GATD1: variants seen among roughly 807,000 people sequenced by gnomAD.
GATD1 encodes the protein glutamine amidotransferase class 1 domain containing 1.
GATD1 carries 23 observed loss-of-function variants against 25.9 expected under a neutral mutation model. The observed-to-expected ratio is 0.89, with a 90% CI of 0.64 to 1.26. The LOEUF (loss-of-function observed/expected upper bound fraction) is 1.26. Among genes scored for constraint, GATD1 ranks in the 50% most tolerant of loss-of-function variants. The probability of loss-of-function intolerance (pLI) is 0.00; values close to 1 mark genes in which losing one functional copy is unlikely to be tolerated. For synonymous variants in GATD1, 177 were observed against 134.6 expected, an observed-to-expected ratio of 1.31 and a Z score of -2.18; for missense variants, 347 against 312.5, an observed-to-expected ratio of 1.11 and a Z score of -0.83.
chr11:773,839 G>A (rs1175738325), intron 3 of GATD1, among the ~76,000 whole-genome samples, 169 bp downstream of exon 3: 1 of 152,142 alleles, frequency 6.6e-6, no homozygotes, highest in African/African-American at 2.4e-5. Flanking sequence ...CTCCCCAGAG[G>A]GGCTCAGAAA....
At chr11:774,983 G>A (rs1192500872) in intron 2 of GATD1, 83 bp downstream of exon 2, 45 of 1,300,010 alleles carry the variant, frequency 3.5e-5, no homozygotes, top group Non-Finnish European at 4.6e-5. Context: ...CTCCCAGGCC[G>A]CGGCGGCAGT....
At chr11:775,824 G>T (rs1282263853) in intron 1 of GATD1, among the ~76,000 whole-genome samples, 1 of 152,004 alleles carries the variant, frequency 6.6e-6, no homozygotes, top group Non-Finnish European at 1.5e-5. Context: ...AGGCTCTGGG[G>T]GCCTCTGTCC....
Position 777,433 on chromosome 11 carries a change from G to A in GATD1, c.30C>T (p.Pro10=), listed in dbSNP as rs1303060413. The A allele has an allele frequency of 3.2e-6, 4 of 1,268,992 alleles. No homozygotes were observed. Among genetic ancestry groups the A allele is most frequent in the Middle Eastern group, 3.0e-4 (1 of 3,300 alleles). The allele number at this position is 1,268,992 out of a possible 1,614,324, so 78.6% of individuals were successfully genotyped here. A position where few individuals can be genotyped will look rare whatever the true frequency, so the allele number is the denominator to read the frequency against. Residue 10 remains proline (P), a synonymous_variant, in exon 1 of 8, where the codon CCC becomes CCT. Coordinates refer to ENST00000319863, the MANE Select transcript of GATD1 (RefSeq NM_182612.4). ...CGCCGCTGGCCACGAGCAGACAGGC[G>A]GGCCTGTTAGGGAGCCGCTCGGACG... MASERLPNR[P]ACLLVASGAA...
chr11:774,673 A>T (rs1446545738), intron 2 of GATD1, among the ~76,000 whole-genome samples: 1 of 152,210 alleles, frequency 6.6e-6, no homozygotes, highest in Non-Finnish European at 1.5e-5. Flanking sequence ...TCTACTAAAA[A>T]TACAAAATGA....
rs1032264131 is a variant in GATD1, at chr11:770,568, A to G, written c.*329T>C. The G allele has an allele frequency of 9.2e-6, 13 of 1,411,182 alleles. No homozygotes were observed. In the African/African-American group the frequency reaches 1.7e-4, roughly 19 times the overall value. 87.4% of individuals were successfully genotyped at this position (1,411,182 alleles called of 1,614,324 possible). A position where few individuals can be genotyped will look rare whatever the true frequency, so the allele number is the denominator to read the frequency against. On this transcript the variant is annotated 3_prime_UTR_variant, in exon 8 of 8. Coordinates refer to ENST00000319863, the MANE Select transcript of GATD1 (RefSeq NM_182612.4). ...AGCCGACTCTGTCTAGTCAACAGTG[A>G]CCACACGTGACAACCAGTCCTCCCT...
Position 774,123 on chromosome 11 carries a change from C to T in GATD1, c.142-10G>A, listed in dbSNP as rs1565015209. 6.2e-7 allele frequency: 1 copy of T among 1,610,038 alleles called. No individual in the cohort carries two copies. Among genetic ancestry groups the T allele is most frequent in the Non-Finnish European group, 8.5e-7 (1 of 1,177,066 alleles). On this transcript the variant is annotated splice_polypyrimidine_tract_variant and intron_variant, in intron 2 of 7. Coordinates refer to ENST00000319863, the MANE Select transcript of GATD1 (RefSeq NM_182612.4). Reference sequence around the variant, plus strand: ...ATTCCATGGCTTTCCCCTGGAGAAGCAGAGCCCAGGGGCCGAGGGTCAGCA... The same window carrying T: ...ATTCCATGGCTTTCCCCTGGAGAAGTAGAGCCCAGGGGCCGAGGGTCAGCA...
chr11:773,517 C>T lies in GATD1; in HGVS notation c.355+5G>A. 6.2e-7 allele frequency: 1 copy of T among 1,609,252 alleles called. No individual in the cohort carries two copies. Among genetic ancestry groups the T allele is most frequent in the Non-Finnish European group, 8.5e-7 (1 of 1,178,068 alleles). On this transcript the variant is annotated splice_donor_5th_base_variant and intron_variant, in intron 4 of 7. Transcript: ENST00000319863. The stretch of plus-strand genomic sequence containing the variant: ...CCCCTCCCCTGGGTCCCAGGGGTCA[C>T]CTACTGCTCTCAGAGTGGAAGTGCT...
intron 6 of GATD1, 34 bp from the exon 7 acceptor site, chr11:771,138 T>C (rs954511361): frequency 3.2e-6 from 5 of 1,559,458 alleles, no homozygotes; most frequent in Non-Finnish European, 4.3e-6. Context: ...CCTCAGGCAA[T>C]GTCCACCTCA....
chr11:772,500 T>G lies in GATD1; in HGVS notation c.377A>C (p.His126Pro). ...SESKPICAVG[H>P]GVAALCCATN... is the part of the protein sequence containing the mutation. Reference sequence around the variant, plus strand: ...GGCACAGCACAGGGCGGCGACACCGTGGCCGACGGCGCAGATGGGTTCTGA... The same window carrying G: ...GGCACAGCACAGGGCGGCGACACCGGGGCCGACGGCGCAGATGGGTTCTGA... Residue 126 changes from histidine (H) to proline (P), a missense_variant, in exon 5 of 8, where the codon CAC (histidine) becomes CCC (proline). Transcript: ENST00000319863. 1 of 1,612,110 alleles carries G rather than the reference T, an allele frequency of 6.2e-7. No homozygotes were observed.
rs1302964572 is a variant in GATD1, at chr11:767,909, G to T, written c.*2988C>A. On this transcript the variant is annotated 3_prime_UTR_variant, in exon 8 of 8. Transcript: ENST00000319863. ...TCTGTCACCCAGACTAGAGTGCAGT[G>T]GCACGATGTCAGCTCACTGCAACCT... 6.6e-6 allele frequency: 1 copy of T among 150,924 alleles called. No individual in the cohort carries two copies. The highest frequency in any genetic ancestry group is 6.6e-5 in the Admixed American group (1 of 15,138). The allele number at this position is 150,924 out of a possible 1,614,324, so 9.3% of individuals were successfully genotyped here.
chr11:775,307 C>T (rs1352347131), intron 1 of GATD1, among the ~76,000 whole-genome samples, 165 bp from the exon 2 acceptor site: 1 of 152,250 alleles, frequency 6.6e-6, no homozygotes, highest in Non-Finnish European at 1.5e-5. Flanking sequence ...GCAGGGCCAG[C>T]CACCCATTCA....
intron 2 of GATD1, 75 bp from the exon 3 acceptor site, chr11:774,188 G>C: frequency 7.6e-6 from 10 of 1,307,598 alleles, no homozygotes; most frequent in Non-Finnish European, 9.8e-6. Flanking sequence ...GCCTGAAAAA[G>C]CTGACAAGGG....
At chr11:772,127 T>A (rs1162665735) in intron 5 of GATD1, among the ~76,000 whole-genome samples, 1 of 152,082 alleles carries the variant, frequency 6.6e-6, no homozygotes, top group African/African-American at 2.4e-5. Flanking sequence ...CCTCCCCACG[T>A]CCCCTGGTGA....
chr11:777,221 C>G (rs1864086751), intron 1 of GATD1, 178 bp downstream of exon 1: 1 of 275,406 alleles, frequency 3.6e-6, no homozygotes, highest in African/African-American at 2.3e-5. Context: ...CCGTCCCCGC[C>G]CCGAGCTCCA....
intron 3 of GATD1, among the ~76,000 whole-genome samples, 182 bp downstream of exon 3, chr11:773,826 C>T (rs754741718): frequency 2.0e-5 from 3 of 152,184 alleles, no homozygotes; most frequent in Non-Finnish European, 4.4e-5. Context: ...CTCACCAACT[C>T]TCCTCCCCAG....
At position 772,489 on chromosome 11, in the gene GATD1, CGGCGACACCGT is replaced by C. The variant is rs1565010686; in HGVS notation, c.377_387del (p.His126ArgfsTer26). 6.2e-7 allele frequency: 1 copy of C among 1,612,918 alleles called. No individual in the cohort carries two copies. Among genetic ancestry groups the C allele is most frequent in the South Asian group, 1.1e-5 (1 of 91,092 alleles). On this transcript the variant is annotated frameshift_variant, in exon 5 of 8. Coordinates refer to ENST00000319863, the MANE Select transcript of GATD1 (RefSeq NM_182612.4). LOFTEE classifies it high-confidence loss of function. ...TCCTCGTTGGTGGCACAGCACAGGGCGGCGACACCGTGGCCGACGGCGCAGATGGGTTCTGA... is the reference window on the plus strand; with the variant it reads ...TCCTCGTTGGTGGCACAGCACAGGGCGGCCGACGGCGCAGATGGGTTCTGA...
rs1409914970 is a variant in GATD1, at chr11:767,328, T to C, written c.*3569A>G. On this transcript the variant is annotated 3_prime_UTR_variant, in exon 8 of 8. Coordinates refer to ENST00000319863, the MANE Select transcript of GATD1 (RefSeq NM_182612.4). ...GCTGCTCTTCTGGAGGTCTGTCCTC[T>C]TGCTTTCCTCCTCTGCCCCAGCCTG... 9.1e-6 allele frequency: 14 copies of C among 1,536,258 alleles called. No individual in the cohort carries two copies. The highest frequency in any genetic ancestry group is 1.2e-5 in the Non-Finnish European group (14 of 1,146,938).
chr11:772,593 T>C lies in GATD1; in HGVS notation c.356-72A>G, dbSNP rs368722775. ...CCCTGAAGCCCCTCCCAGATGCCCCTGCTTGTGGCTCCCCCAGGCTTGTGC... is the reference window on the plus strand; with the variant it reads ...CCCTGAAGCCCCTCCCAGATGCCCCCGCTTGTGGCTCCCCCAGGCTTGTGC... On this transcript the variant is annotated intron_variant, in intron 4 of 7. Transcript: ENST00000319863. The C allele has an allele frequency of 4.4e-5, 61 of 1,395,806 alleles. No homozygotes were observed. In the African/African-American group the frequency reaches 6.0e-4, roughly 14 times the overall value. The allele number at this position is 1,395,806 out of a possible 1,614,324, so 86.5% of individuals were successfully genotyped here. A position where few individuals can be genotyped will look rare whatever the true frequency, so the allele number is the denominator to read the frequency against.
At position 771,409 on chromosome 11, in the gene GATD1, G is replaced by A. The variant is rs748877541; in HGVS notation, c.468C>T (p.Leu156=). The change falls in exon 6 of 8, where the codon CTC becomes CTT. Residue 156 remains leucine, a synonymous_variant. Coordinates refer to ENST00000319863, the MANE Select transcript of GATD1 (RefSeq NM_182612.4). The part of the protein sequence containing the change: ...YSLTGPSVCE[L]VRAPGFARLP... ...GGCGGGCGAAGCCGGGGGCCCTGACGAGCTCACACACAGAGGGCTGCGGGA... is the reference window on the plus strand; with the variant it reads ...GGCGGGCGAAGCCGGGGGCCCTGACAAGCTCACACACAGAGGGCTGCGGGA... 38 of 1,554,528 alleles carry A rather than the reference G, an allele frequency of 2.4e-5. No individual in the cohort carries two copies. Among genetic ancestry groups the A allele is most frequent in the South Asian group, 9.9e-5 (8 of 81,066 alleles).
Sources: allele counts gnomAD v4.1 joint callset (sites outside exome capture counted in the v4.1 genomes callset), GRCh38; gene constraint gnomAD v4.1.1; transcripts MANE v1.5; gene names NCBI Gene and HGNC (gene_info 2026-07-23, HGNC 2026-07-21).